PAFAH2: variants seen among roughly 807,000 people sequenced by gnomAD.
The protein encoded by PAFAH2 is platelet activating factor acetylhydrolase 2.
Under a neutral mutation model 49.0 loss-of-function variants are expected in PAFAH2, and 42 were observed. That is an observed-to-expected ratio of 0.86 (90% CI 0.67 to 1.11). The LOEUF (loss-of-function observed/expected upper bound fraction) is 1.11. Among genes scored for constraint, PAFAH2 ranks in the 50% least tolerant of loss-of-function variants. The probability of loss-of-function intolerance (pLI) is 0.00; values close to 1 mark genes in which losing one functional copy is unlikely to be tolerated. For missense variants in PAFAH2, 503 were observed against 501.8 expected (o/e 1.00, Z -0.02); for synonymous variants, 184 against 181.3 (o/e 1.01, Z -0.12).
rs2049527460 is a variant in PAFAH2, at chr1:25,972,660, T to A, written c.982A>T (p.Ile328Phe). ...GTTTCAGTGGAGAAGAATTTACCAA[T>A]CAAGTTGCCAGTCACAAAAGCAAAG... Reference protein sequence around the residue: ...TDFAFVTGNLIGKFFSTETRG... With the variant: ...TDFAFVTGNLFGKFFSTETRG... Residue 328 changes from isoleucine to phenylalanine, a missense_variant, in exon 10 of 11, where the codon ATT (isoleucine) becomes TTT (phenylalanine). Transcript: ENST00000374282. 2 of 1,613,740 alleles carry A rather than the reference T, an allele frequency of 1.2e-6. No individual in the cohort carries two copies. The highest frequency in any genetic ancestry group is 1.7e-6 in the Non-Finnish European group (2 of 1,179,858).
chr1:25,988,187 C>A, intron 4 of PAFAH2, 44 bp downstream of exon 4: 1 of 1,266,738 alleles, frequency 7.9e-7, no homozygotes, highest in Non-Finnish European at 1.1e-6. Context: ...GCAGCTGTCA[C>A]CAGGCAAGGA....
At chr1:25,967,424 G>A (rs2049443557) in intron 10 of PAFAH2, among the ~76,000 whole-genome samples, 1 of 152,286 alleles carries the variant, frequency 6.6e-6, no homozygotes, top group South Asian at 2.1e-4. Context: ...GCCATTAGAA[G>A]AGGTCCAGGC....
intron 4 of PAFAH2, 73 bp from the exon 5 acceptor site, chr1:25,984,601 C>T (rs1335706598): frequency 1.7e-6 from 2 of 1,191,384 alleles, no homozygotes; most frequent in African/African-American, 1.5e-5. Context: ...TCCAACAATG[C>T]TCTGCTAGCA....
intron 6 of PAFAH2, among the ~76,000 whole-genome samples, chr1:25,983,446 A>G (rs12138372): frequency 0.54 from 82,291 of 151,660 alleles, 25,222 homozygotes; most frequent in East Asian, 0.7. Context: ...AGTCCCAGCT[A>G]CTCAGGACAC....
chr1:25,962,021 G>A lies in PAFAH2; in HGVS notation c.1147C>T (p.Pro383Ser), dbSNP rs2049345132. 6.2e-7 allele frequency: 1 copy of A among 1,614,002 alleles called. No individual in the cohort carries two copies. Among genetic ancestry groups the A allele is most frequent in the Non-Finnish European group, 8.5e-7 (1 of 1,179,958 alleles). Reference sequence around the variant, plus strand: ...CTGGACAGATGGTGGGGGGCCCCTGGGGTGAGCGACGGTCCAATGCCTTCA... The same window carrying A: ...CTGGACAGATGGTGGGGGGCCCCTGAGGTGAGCGACGGTCCAATGCCTTCA... ...LIEGIGPSLTPGAPHHLSSL is the reference protein window; with the variant it reads ...LIEGIGPSLTSGAPHHLSSL The change falls in exon 11 of 11, where the codon CCA (proline) becomes TCA (serine). Residue 383 changes from proline to serine, a missense_variant. Pro to Ser is a moderately conservative substitution (Grantham distance 74). Coordinates refer to ENST00000374282, the MANE Select transcript of PAFAH2 (RefSeq NM_000437.4).
At chr1:25,974,333 T>C (rs2049554298) in intron 9 of PAFAH2, 147 bp downstream of exon 9, 1 of 543,332 alleles carries the variant, frequency 1.8e-6, no homozygotes, top group Admixed American at 3.8e-5. Context: ...GACAGAAAAT[T>C]CTAAAAGAAT....
intron 9 of PAFAH2, among the ~76,000 whole-genome samples, chr1:25,973,762 C>T (rs1428115712): frequency 6.6e-6 from 1 of 152,184 alleles, no homozygotes; most frequent in Non-Finnish European, 1.5e-5. Flanking sequence ...CCATGGTATG[C>T]AGTCACTTGT....
At chr1:25,980,576 G>T (rs1386295009) in intron 7 of PAFAH2, among the ~76,000 whole-genome samples, 1 of 148,638 alleles carries the variant, frequency 6.7e-6, no homozygotes. Flanking sequence ...CAAAATGCTG[G>T]GGTTACAGGC....
At chr1:25,990,182 G>A (rs907631651) in intron 2 of PAFAH2, among the ~76,000 whole-genome samples, 4 of 152,094 alleles carry the variant, frequency 2.6e-5, no homozygotes, top group Non-Finnish European at 5.9e-5. Context: ...TAGGAGAGTC[G>A]CTTGAGGCCA....
Position 25,972,685 on chromosome 1 carries a change from G to A in PAFAH2, c.957C>T (p.Asp319=), listed in dbSNP as rs758108244. 6.2e-7 allele frequency: 1 copy of A among 1,613,954 alleles called. No homozygotes were observed. Among genetic ancestry groups the A allele is most frequent in the Non-Finnish European group, 8.5e-7 (1 of 1,179,866 alleles). The part of the protein sequence containing the change: ...VLGSVHRSQT[D]FAFVTGNLIG... ...TCAAGTTGCCAGTCACAAAAGCAAA[G>A]TCAGTTTGACTCCGATGAACAGAAC... The change falls in exon 10 of 11, where the codon GAC becomes GAT. Residue 319 remains aspartate, a synonymous_variant. Transcript: ENST00000374282.
rs140546264 is a variant in PAFAH2, at chr1:25,975,236, A to G, written c.759-586T>C. Among the ~76,000 whole-genome samples the G allele has an allele frequency of 2.6e-3, 398 of 152,148 alleles. 2 individuals are homozygous for G. The highest frequency in any genetic ancestry group is 8.0e-3 in the African/African-American group (333 of 41,504). The stretch of plus-strand genomic sequence containing the variant: ...CTGAAATGCTCCTCTATTCTTCTCC[A>G]TCTCAATAAAGGACAATCATCTTCC... On this transcript the variant is annotated intron_variant, in intron 8 of 10. Coordinates refer to ENST00000374282, the MANE Select transcript of PAFAH2 (RefSeq NM_000437.4).
chr1:25,994,056 T>C (rs1053290343), intron 1 of PAFAH2, among the ~76,000 whole-genome samples: 1 of 151,828 alleles, frequency 6.6e-6, no homozygotes, highest in African/African-American at 2.4e-5. Flanking sequence ...AGCTAAAAAG[T>C]TGGAATCTAC....
intron 7 of PAFAH2, among the ~76,000 whole-genome samples, chr1:25,979,896 G>A (rs1262354117): frequency 6.6e-6 from 1 of 152,254 alleles, no homozygotes; most frequent in Non-Finnish European, 1.5e-5. Context: ...AAACTGTTGG[G>A]ATTACAGGCA....
intron 1 of PAFAH2, among the ~76,000 whole-genome samples, chr1:25,997,169 T>C (rs1053751597): frequency 9.2e-5 from 14 of 152,230 alleles, no homozygotes; most frequent in African/African-American, 3.4e-4. Flanking sequence ...TTGTGCTTCC[T>C]TTCAGACAAA....
chr1:25,994,142 CTTTT>C (rs35480896), intron 1 of PAFAH2, among the ~76,000 whole-genome samples: 1 of 135,308 alleles, frequency 7.4e-6, no homozygotes, highest in Non-Finnish European at 1.6e-5. Context: ...TGGTGCCTAG[CTTTT>C]TTTTTTTTTT....
chr1:25,996,526 C>T (rs959218457), intron 1 of PAFAH2, among the ~76,000 whole-genome samples: 1 of 152,102 alleles, frequency 6.6e-6, no homozygotes, highest in Non-Finnish European at 1.5e-5. Context: ...CCTGTAGTCC[C>T]AGCTACTTGG....
Position 25,961,689 on chromosome 1 carries a change from C to A in PAFAH2, c.*300G>T, listed in dbSNP as rs1236390858. On this transcript the variant is annotated 3_prime_UTR_variant, in exon 11 of 11. Transcript: ENST00000374282. ...GCTGGGCTGAGTCTTCACATCCAGG[C>A]CTCACAGTGCTCAGCCCGGGGCCTG... The A allele has an allele frequency of 3.9e-6, 1 of 257,956 alleles. No individual in the cohort carries two copies. Among genetic ancestry groups the A allele is most frequent in the Non-Finnish European group, 7.4e-6 (1 of 135,922 alleles). 16.0% of individuals were successfully genotyped at this position (257,956 alleles called of 1,614,324 possible).
rs769587744 is a variant in PAFAH2, at chr1:25,962,038, A to G, written c.1130T>C (p.Ile377Thr). The G allele has an allele frequency of 6.8e-6, 11 of 1,614,050 alleles. No homozygotes were observed. Among genetic ancestry groups the G allele is most frequent in the South Asian group, 5.5e-5 (5 of 91,070 alleles). Residue 377 changes from isoleucine (I) to threonine (T), a missense_variant, in exon 11 of 11, where the codon ATT (isoleucine) becomes ACT (threonine). Ile to Thr is a moderately conservative substitution (Grantham distance 89, BLOSUM62 -1). Transcript: ENST00000374282. ...YNQWNNLIEG[I>T]GPSLTPGAPH... ...GGCCCCTGGGGTGAGCGACGGTCCA[A>G]TGCCTTCAATAAGGTTGTTCCATTG... is the stretch of plus-strand genomic sequence containing the variant.
chr1:25,985,843 G>T (rs529198187), intron 4 of PAFAH2, among the ~76,000 whole-genome samples: 1 of 152,198 alleles, frequency 6.6e-6, no homozygotes, highest in Non-Finnish European at 1.5e-5. Flanking sequence ...TAGCAGATGC[G>T]ATTTCCTCGA....
Sources: gnomAD v4.1 joint callset for allele counts (sites outside exome capture counted in the v4.1 genomes callset) on GRCh38, gnomAD v4.1.1 for gene constraint, MANE v1.5 for transcripts, NCBI Gene and HGNC (gene_info 2026-07-23, HGNC 2026-07-21) for gene names.